The following SDK2 variants were observed in gnomAD, a reference collection of about 807,000 sequenced individuals.
The protein encoded by SDK2 is sidekick cell adhesion molecule 2.
SDK2 carries 105 observed loss-of-function variants against 253.9 expected under a neutral mutation model. The observed-to-expected ratio is 0.41, with a 90% CI of 0.35 to 0.49. The LOEUF is 0.49. Among genes scored for constraint, SDK2 ranks in the 20% least tolerant of loss-of-function variants. The pLI is 0.06. For missense variants in SDK2, 2,608 were observed against 3,003.0 expected, an observed-to-expected ratio of 0.87 and a Z score of 3.07; for synonymous variants, 1,249 against 1,234.9, an observed-to-expected ratio of 1.01 and a Z score of -0.24.
At chr17:73,457,054 TC>T (rs1248242343) in intron 3 of SDK2, among the ~76,000 whole-genome samples, 1 of 152,174 alleles carries the variant, frequency 6.6e-6, no homozygotes, top group Non-Finnish European at 1.5e-5. Flanking sequence ...GGCAAGTGTG[TC>T]CATGTTCAAC....
In SDK2 at chr17:73,448,565, T is replaced by C. The variant is rs185272773; in HGVS notation, c.480-817A>G. Among the ~76,000 whole-genome samples the C allele has an allele frequency of 1.5e-4, 23 of 152,056 alleles. 1 individual carries two copies. In the East Asian group the frequency reaches 2.3e-3, roughly 15 times the overall value. ...ATTTTTAGTAGGGACAGGGTTTCAC[T>C]TTGTTAGCCAGGATGGTCTCGATCT... is the stretch of plus-strand genomic sequence containing the variant. On this transcript the variant is annotated intron_variant, in intron 4 of 44. Transcript: ENST00000392650.
chr17:73,596,987 G>T (rs1316980992), intron 1 of SDK2, among the ~76,000 whole-genome samples: 1 of 152,160 alleles, frequency 6.6e-6, no homozygotes, highest in Non-Finnish European at 1.5e-5. Flanking sequence ...GGAGTCCGGC[G>T]CCCTAGGAAT....
At chr17:73,545,095 G>GCATGCACACACACACACACACACA (rs1222193318) in intron 1 of SDK2, among the ~76,000 whole-genome samples, 4 of 75,312 alleles carry the variant, frequency 5.3e-5, no homozygotes, top group African/African-American at 3.6e-4. Context: ...GCGTGCACGT[G>GCATGCACACACACACACACACACA]CACGCACACA....
At chr17:73,412,112 ATATGTATACGTATATATGTGTATG>A (rs2063141532) in intron 18 of SDK2, among the ~76,000 whole-genome samples, 1 of 70,604 alleles carries the variant, frequency 1.4e-5, no homozygotes, top group African/African-American at 5.9e-5. Flanking sequence ...GTATACGTAT[ATATGTATACGTATATATGTGTATG>A]TGTATATGTA....
chr17:73,508,580 G>A (rs1475146990), intron 1 of SDK2, among the ~76,000 whole-genome samples: 1 of 152,244 alleles, frequency 6.6e-6, no homozygotes, highest in African/African-American at 2.4e-5. Context: ...GACAGCACCT[G>A]CTCTGTTCCG....
chr17:73,413,827 T>C (rs765487751), intron 18 of SDK2, among the ~76,000 whole-genome samples: 22 of 152,104 alleles, frequency 1.4e-4, no homozygotes, highest in Non-Finnish European at 3.2e-4. Context: ...TTAAAGAACA[T>C]GCGCAGGTTG....
chr17:73,610,267 C>T (rs931311036), intron 1 of SDK2, among the ~76,000 whole-genome samples: 1 of 152,170 alleles, frequency 6.6e-6, no homozygotes, highest in African/African-American at 2.4e-5. Context: ...ATCAGCTCTT[C>T]GAAGGGGACT....
intron 1 of SDK2, among the ~76,000 whole-genome samples, chr17:73,588,439 T>C (rs1429366198): frequency 6.7e-6 from 1 of 149,890 alleles, no homozygotes; most frequent in Non-Finnish European, 1.5e-5. Context: ...CTGGGCCTTG[T>C]CTCAGGCCTG....
intron 1 of SDK2, among the ~76,000 whole-genome samples, chr17:73,548,433 C>T (rs765720858): frequency 2.0e-5 from 3 of 152,260 alleles, no homozygotes; most frequent in South Asian, 2.1e-4. Flanking sequence ...ACCCTGCTTT[C>T]CTGCTGCTCT....
chr17:73,488,161 G>A (rs980478450), intron 2 of SDK2, among the ~76,000 whole-genome samples: 3 of 152,180 alleles, frequency 2.0e-5, no homozygotes, highest in Non-Finnish European at 4.4e-5. Context: ...GACTACAGGC[G>A]CCTGCCACCA....
rs142463427 is a variant in SDK2 at position 73,423,937 on chromosome 17, C to T, written c.1739G>A (p.Arg580His). Residue 580 changes from arginine (R) to histidine (H), a missense_variant, in exon 13 of 45, where the codon CGC becomes CAC. Coordinates refer to ENST00000392650, the MANE Select transcript of SDK2 (RefSeq NM_001144952.2). Reference sequence around the variant, plus strand: ...TTACCTGACTCGCAGGTGGGCACTGCGAGAGTCGTTGCCTCCTGCTGAGAT... The same window carrying T: ...TTACCTGACTCGCAGGTGGGCACTGTGAGAGTCGTTGCCTCCTGCTGAGAT... ...RVISAGGNDS[R>H]SAHLRVRQLP... The T allele has an allele frequency of 2.1e-5, 34 of 1,590,564 alleles. No individual in the cohort carries two copies. The highest frequency in any genetic ancestry group is 3.3e-4 in the Middle Eastern group (2 of 6,052).
At chr17:73,497,531 C>T (rs2063851922) in intron 2 of SDK2, among the ~76,000 whole-genome samples, 1 of 152,144 alleles carries the variant, frequency 6.6e-6, no homozygotes, top group African/African-American at 2.4e-5. Context: ...TCCCAGAAAG[C>T]TCCTTCTCCG....
At chr17:73,614,279 T>C (rs2046019114) in intron 1 of SDK2, among the ~76,000 whole-genome samples, 1 of 152,216 alleles carries the variant, frequency 6.6e-6, no homozygotes, top group African/African-American at 2.4e-5. Flanking sequence ...TACAGTTAAG[T>C]GCAGGAAGGG....
chr17:73,452,493 G>T (rs2063496724), intron 4 of SDK2, among the ~76,000 whole-genome samples: 1 of 152,174 alleles, frequency 6.6e-6, no homozygotes, highest in Non-Finnish European at 1.5e-5. Flanking sequence ...GTATGCATGT[G>T]TGTGCAGGCC....
In SDK2 at chr17:73,423,476, C is replaced by T. The variant is rs35074489; in HGVS notation, c.1807G>A (p.Val603Met). Reference sequence around the variant, plus strand: ...GTCAGGTTGATGGCTCGCCTTTCCACGGTGCTGAGAGTGGCCACTGGGTGC... The same window carrying T: ...GTCAGGTTGATGGCTCGCCTTTCCATGGTGCTGAGAGTGGCCACTGGGTGC... ...PEHPVATLST[V>M]ERRAINLTWT... Residue 603 changes from valine to methionine, a missense_variant, in exon 14 of 45, where the codon GTG becomes ATG. By Grantham distance (21) the Val-to-Met change is conservative (BLOSUM62 1). This residue lies in a region of SDK2 where 1,505 missense variants were observed against 1,859.1 expected (regional missense o/e 0.81). Coordinates refer to ENST00000392650, the MANE Select transcript of SDK2 (RefSeq NM_001144952.2). 4.3e-3 allele frequency: 6,917 copies of T among 1,591,544 alleles called. 16 individuals are homozygous for T. Among genetic ancestry groups the T allele is most frequent in the Non-Finnish European group, 5.4e-3 (6,283 of 1,166,798 alleles).
At chr17:73,537,063 C>T (rs2044786402) in intron 1 of SDK2, among the ~76,000 whole-genome samples, 1 of 152,134 alleles carries the variant, frequency 6.6e-6, no homozygotes, top group South Asian at 2.1e-4. Context: ...TGGATCGTAG[C>T]ATGGTGCTGG....
chr17:73,603,806 T>C (rs948769284), intron 1 of SDK2, among the ~76,000 whole-genome samples: 4 of 152,230 alleles, frequency 2.6e-5, no homozygotes, highest in Admixed American at 2.0e-4. Flanking sequence ...CCTAGGCCTG[T>C]CTGGCTCCTT....
intron 2 of SDK2, among the ~76,000 whole-genome samples, chr17:73,479,399 C>T (rs981665047): frequency 6.6e-6 from 1 of 152,202 alleles, no homozygotes; most frequent in South Asian, 2.1e-4. Flanking sequence ...CCTGTTCCTG[C>T]AGCAGGAAGA....
intron 2 of SDK2, among the ~76,000 whole-genome samples, chr17:73,505,830 C>A (rs1394497086): frequency 1.3e-5 from 2 of 152,190 alleles, no homozygotes; most frequent in East Asian, 1.9e-4. Context: ...TCATCACCAC[C>A]AATAGCTGGA....
Sources: allele counts gnomAD v4.1 joint callset (sites outside exome capture counted in the v4.1 genomes callset), GRCh38; gene constraint gnomAD v4.1.1; regional missense constraint gnomAD v4.1.1; transcripts MANE v1.5; gene names NCBI Gene and HGNC (gene_info 2026-07-23, HGNC 2026-07-21).